GPC3: variants seen among roughly 807,000 people sequenced by gnomAD.
GPC3 encodes glypican 3, also known as glypican-3.
A neutral mutation model predicts 34.4 loss-of-function variants in GPC3; 3 were observed. That is an observed-to-expected ratio of 0.09 (90% CI 0.04 to 0.23). The LOEUF is 0.23. Ranked by LOEUF, GPC3 falls within the 10% of genes least tolerant of loss-of-function variation. The pLI is 1.00. For synonymous variants in GPC3, 177 were observed against 174.0 expected (o/e 1.02, Z -0.13); for missense variants, 351 against 445.6 (o/e 0.79, Z 1.91).
At chrX:133,966,911 A>T (rs1228843692) in intron 1 of GPC3, among the ~76,000 whole-genome samples, 1 of 112,002 alleles carries the variant, frequency 8.9e-6, no homozygotes, top group Non-Finnish European at 1.9e-5. Context: ...TCCTACCCTC[A>T]TGTAATGCAA....
intron 2 of GPC3, among the ~76,000 whole-genome samples, chrX:133,811,275 G>A (rs890332250): frequency 7.2e-5 from 8 of 111,646 alleles, no homozygotes; most frequent in African/African-American, 2.6e-4. Flanking sequence ...CTTAAGGAAG[G>A]AAGAAAAGGA....
intron 1 of GPC3, among the ~76,000 whole-genome samples, chrX:133,956,797 T>C (rs1325569163): frequency 9.0e-6 from 1 of 111,609 alleles, no homozygotes; most frequent in Non-Finnish European, 1.9e-5. Flanking sequence ...TCAGATCTTT[T>C]CTCAGTGAAG....
At chrX:133,908,653 G>A (rs2076181651) in intron 2 of GPC3, among the ~76,000 whole-genome samples, 1 of 111,121 alleles carries the variant, frequency 9.0e-6, no homozygotes, top group Non-Finnish European at 1.9e-5. Context: ...AAAATGTGGT[G>A]ACTATACTTG....
chrX:133,853,642 G>C (rs1375297182), intron 2 of GPC3, among the ~76,000 whole-genome samples: 1 of 112,449 alleles, frequency 8.9e-6, no homozygotes, highest in Non-Finnish European at 1.9e-5. Flanking sequence ...TGAAGTTATA[G>C]AGATCAGGAC....
intron 6 of GPC3, among the ~76,000 whole-genome samples, chrX:133,651,359 G>A (rs1475202509): frequency 1.8e-5 from 2 of 110,039 alleles, no homozygotes; most frequent in Non-Finnish European, 3.8e-5. Flanking sequence ...CACCAAAAAT[G>A]GCAACAACAT....
chrX:133,785,323 A>G (rs2072090433), intron 2 of GPC3, among the ~76,000 whole-genome samples: 1 of 111,105 alleles, frequency 9.0e-6, no homozygotes, highest in Non-Finnish European at 1.9e-5. Context: ...TGTCAGGTAA[A>G]CTAGGTTCCA....
chrX:133,563,011 A>C (rs1356405000), intron 7 of GPC3, among the ~76,000 whole-genome samples: 1 of 111,614 alleles, frequency 9.0e-6, no homozygotes, highest in African/African-American at 3.3e-5. Flanking sequence ...AAAGAGAGGG[A>C]AATGGTCAGG....
intron 7 of GPC3, among the ~76,000 whole-genome samples, chrX:133,571,177 T>C (rs780212296): frequency 8.9e-6 from 1 of 111,872 alleles, no homozygotes; most frequent in Admixed American, 9.5e-5. Flanking sequence ...AAGGCAATAT[T>C]GAACACCATT....
intron 7 of GPC3, among the ~76,000 whole-genome samples, chrX:133,587,852 CTG>C (rs1216467949): frequency 9.0e-6 from 1 of 111,701 alleles, no homozygotes; most frequent in African/African-American, 3.3e-5. Flanking sequence ...AGTGAGGAAA[CTG>C]TGGCTCAGAG....
chrX:133,930,406 A>C (rs1487852252), intron 2 of GPC3, among the ~76,000 whole-genome samples: 2 of 111,174 alleles, frequency 1.8e-5, no homozygotes, highest in Non-Finnish European at 3.8e-5. Flanking sequence ...ATATTGAAAA[A>C]CCCTGCTTTA....
chrX:133,614,479 A>C (rs1219080159), intron 6 of GPC3, among the ~76,000 whole-genome samples: 1 of 111,577 alleles, frequency 9.0e-6, no homozygotes, highest in East Asian at 2.8e-4. Context: ...GAAAAAAAAA[A>C]AACTGTCATC....
At chrX:133,910,661 G>C (rs2076194105) in intron 2 of GPC3, among the ~76,000 whole-genome samples, 1 of 112,024 alleles carries the variant, frequency 8.9e-6, no homozygotes, top group Non-Finnish European at 1.9e-5. Flanking sequence ...AACTTTCACA[G>C]AAGGCATCAC....
intron 2 of GPC3, among the ~76,000 whole-genome samples, chrX:133,840,774 G>A (rs2075820596): frequency 1.8e-5 from 2 of 110,819 alleles, no homozygotes; most frequent in African/African-American, 6.6e-5. Flanking sequence ...TGGGACAAGA[G>A]GTGATTGTAA....
intron 3 of GPC3, among the ~76,000 whole-genome samples, chrX:133,742,783 A>T (rs2124472203): frequency 8.9e-6 from 1 of 112,295 alleles, no homozygotes; most frequent in South Asian, 3.7e-4. Context: ...AATTATCTGC[A>T]AAAAGCAGAA....
At chrX:133,549,368 C>T (rs756767253) in intron 7 of GPC3, among the ~76,000 whole-genome samples, 55 of 111,769 alleles carry the variant, frequency 4.9e-4, no homozygotes, top group Admixed American at 1.7e-3. Context: ...GAACACATTT[C>T]TCTCTTCCTC....
intron 6 of GPC3, among the ~76,000 whole-genome samples, chrX:133,659,906 T>C (rs190814977): frequency 1.1e-3 from 128 of 111,970 alleles, no homozygotes; most frequent in Non-Finnish European, 1.4e-3. Context: ...AACTCAGCAG[T>C]AAGTGTTTTA....
At chrX:133,593,353 G>GAAAAAAAAAAAAAAAAAAAAAA (rs1569391707) in intron 7 of GPC3, among the ~76,000 whole-genome samples, 3 of 58,146 alleles carry the variant, frequency 5.2e-5, no homozygotes, top group African/African-American at 6.6e-5. Flanking sequence ...AAAAAAAAAA[G>GAAAAAAAAAAAAAAAAAAAAAA]TAAAAAAAAA....
chrX:133,827,945 A>C (rs148512155), intron 2 of GPC3, among the ~76,000 whole-genome samples: 7 of 73,009 alleles, frequency 9.6e-5, no homozygotes, highest in African/African-American at 1.9e-4. Context: ...ACTCCATCCC[A>C]AAAAAAAAAA....
chrX:133,710,610 A>G (rs1360120293), intron 3 of GPC3, among the ~76,000 whole-genome samples: 1 of 111,642 alleles, frequency 9.0e-6, no homozygotes, highest in African/African-American at 3.3e-5. Context: ...CAGTCACACA[A>G]TTGGGTCCGG....
Sources: gnomAD v4.1 joint callset for allele counts (sites outside exome capture counted in the v4.1 genomes callset) on GRCh38, gnomAD v4.1.1 for gene constraint, MANE v1.5 for transcripts, NCBI Gene and HGNC (gene_info 2026-07-23, HGNC 2026-07-21) for gene names.